The following SLC7A11 variants were observed in gnomAD, a reference collection of about 807,000 sequenced individuals.
SLC7A11 encodes solute carrier family 7 member 11, also known as cystine/glutamate transporter.
SLC7A11 carries 35 observed loss-of-function variants against 54.5 expected under a neutral mutation model. The ratio of observed to expected loss-of-function variants is 0.64; its 90% CI spans 0.49 to 0.85. SLC7A11 has a LOEUF of 0.85. Ranked by LOEUF, SLC7A11 falls within the 40% of genes least tolerant of loss-of-function variation. The pLI is 0.00. For synonymous variants in SLC7A11, 230 were observed against 225.2 expected, an observed-to-expected ratio of 1.02 and a Z score of -0.19; for missense variants, 583 against 618.1, an observed-to-expected ratio of 0.94 and a Z score of 0.60.
chr4:138,182,692 A>G (rs974398353), intron 8 of SLC7A11, among the ~76,000 whole-genome samples: 3 of 152,136 alleles, frequency 2.0e-5, no homozygotes, highest in Non-Finnish European at 4.4e-5. Context: ...CTAGATTCCT[A>G]GTATTATATG....
chr4:138,206,881 C>A (rs1737420241), intron 6 of SLC7A11, among the ~76,000 whole-genome samples: 1 of 151,200 alleles, frequency 6.6e-6, no homozygotes, highest in African/African-American at 2.4e-5. Context: ...TGACATCTGG[C>A]CAAATACCGA....
chr4:138,193,549 C>T (rs562197636), intron 6 of SLC7A11, among the ~76,000 whole-genome samples: 2 of 152,110 alleles, frequency 1.3e-5, no homozygotes, highest in African/African-American at 4.8e-5. Flanking sequence ...CACCTGTAAT[C>T]CTAGCACTTT....
chr4:138,185,076 TCATTAACCTAAATTCCAATTGG>T (rs777074998), intron 7 of SLC7A11, 23 bp downstream of exon 7: 147 of 1,607,934 alleles, frequency 9.1e-5, no homozygotes, highest in Non-Finnish European at 1.2e-4. Context: ...TTGCATCAGC[TCATTAACCTAAATTCCAATTGG>T]CATTTTCCCA....
Position 138,171,912 on chromosome 4 carries a change from G to A in SLC7A11, c.*44C>T, listed in dbSNP as rs946728308. On this transcript the variant is annotated 3_prime_UTR_variant, in exon 12 of 12. Coordinates refer to ENST00000280612, the MANE Select transcript of SLC7A11 (RefSeq NM_014331.4). The stretch of plus-strand genomic sequence containing the variant: ...AAAATGAAGTAAAAATCCCTATTTT[G>A]TGTCTCCCCTTGGGCAGATTGCCAA... The A allele has an allele frequency of 6.4e-7, 1 of 1,553,924 alleles. No homozygotes were observed. Among genetic ancestry groups the A allele is most frequent in the Non-Finnish European group, 8.6e-7 (1 of 1,160,592 alleles).
intron 6 of SLC7A11, among the ~76,000 whole-genome samples, chr4:138,194,735 T>G (rs1737090696): frequency 6.6e-6 from 1 of 152,174 alleles, no homozygotes; most frequent in Non-Finnish European, 1.5e-5. Context: ...CTGGGTCTAG[T>G]CATGTCCCCA....
Position 138,167,330 on chromosome 4 carries a change from T to G in SLC7A11, c.*4626A>C, listed in dbSNP as rs1375166275. ...CCACGCCCGGCTAATTTTTATATTT[T>G]TAGTTGAGACAGGGTTTCACCATGT... On this transcript the variant is annotated 3_prime_UTR_variant, in exon 12 of 12. Coordinates refer to ENST00000280612, the MANE Select transcript of SLC7A11 (RefSeq NM_014331.4). 5 of 151,690 alleles carry G rather than the reference T, an allele frequency of 3.3e-5. No individual in the cohort carries two copies. The highest frequency in any genetic ancestry group is 1.2e-4 in the African/African-American group (5 of 41,262). 9.4% of individuals were successfully genotyped at this position (151,690 alleles called of 1,614,324 possible).
chr4:138,237,724 TATATA>T (rs1560742558), intron 1 of SLC7A11, among the ~76,000 whole-genome samples: 3 of 10,390 alleles, frequency 2.9e-4, no homozygotes, highest in Non-Finnish European at 3.7e-4. Context: ...TATATATATA[TATATA>T]TATATATATT....
chr4:138,232,670 T>C (rs901360344), intron 2 of SLC7A11, among the ~76,000 whole-genome samples: 1 of 152,216 alleles, frequency 6.6e-6, no homozygotes, highest in Non-Finnish European at 1.5e-5. Flanking sequence ...ATCTGGTTTA[T>C]TACATGAGAT....
At chr4:138,209,771 A>G (rs1435456201) in intron 6 of SLC7A11, among the ~76,000 whole-genome samples, 4 of 152,102 alleles carry the variant, frequency 2.6e-5, no homozygotes, top group Admixed American at 2.6e-4. Context: ...AAAATATTTC[A>G]TGCTTATGGA....
At chr4:138,186,824 G>A (rs1229239441) in intron 6 of SLC7A11, among the ~76,000 whole-genome samples, 1 of 152,136 alleles carries the variant, frequency 6.6e-6, no homozygotes, top group Non-Finnish European at 1.5e-5. Context: ...TGTATACACA[G>A]CTTTTCAACC....
In SLC7A11 at chr4:138,208,757, G is replaced by A. The variant is rs116301491; in HGVS notation, c.791+5828C>T. 6.7e-3 allele frequency among the ~76,000 whole-genome samples: 1,009 copies of A among 151,088 alleles called. 11 individuals carry two copies. Among genetic ancestry groups the A allele is most frequent in the African/African-American group, 0.022 (926 of 41,204 alleles). ...CCTTACTCCAATATATTAATTTGTG[G>A]AGTCAGCCATAATGTTATAGATAAT... On this transcript the variant is annotated intron_variant, in intron 6 of 11. Coordinates refer to ENST00000280612, the MANE Select transcript of SLC7A11 (RefSeq NM_014331.4).
At chr4:138,225,614 A>G (rs544934961) in intron 3 of SLC7A11, among the ~76,000 whole-genome samples, 2 of 152,222 alleles carry the variant, frequency 1.3e-5, no homozygotes, top group African/African-American at 4.8e-5. Context: ...TCCCTGCTCC[A>G]TCATCCAGTG....
chr4:138,179,267 T>G lies in SLC7A11; in HGVS notation c.1394A>C (p.Tyr465Ser). The change falls in exon 11 of 12, where the codon TAT (tyrosine) becomes TCT (serine). Residue 465 changes from tyrosine (Y) to serine (S), a missense_variant. By Grantham distance (144) the Tyr-to-Ser change is moderately radical. Coordinates refer to ENST00000280612, the MANE Select transcript of SLC7A11 (RefSeq NM_014331.4). ...VITLTGVPAY[Y>S]LFIIWDKKPR... Reference sequence around the variant, plus strand: ...TTTCTTGTCCCATATAATAAAGAGATAATACGCAGGGACTCCAGTCAGAGT... The same window carrying G: ...TTTCTTGTCCCATATAATAAAGAGAGAATACGCAGGGACTCCAGTCAGAGT... The G allele has an allele frequency of 2.5e-6, 4 of 1,612,500 alleles. No homozygotes were observed. The highest frequency in any genetic ancestry group is 3.4e-6 in the Non-Finnish European group (4 of 1,178,888).
chr4:138,241,346 A>C (rs1406122674), intron 1 of SLC7A11, among the ~76,000 whole-genome samples: 1 of 152,234 alleles, frequency 6.6e-6, no homozygotes, highest in African/African-American at 2.4e-5. Flanking sequence ...TTTGGCTAAT[A>C]AAAAGTCAGT....
chr4:138,213,732 T>C (rs146332437), intron 6 of SLC7A11, among the ~76,000 whole-genome samples: 1 of 152,140 alleles, frequency 6.6e-6, no homozygotes, highest in Non-Finnish European at 1.5e-5. Flanking sequence ...TTACATCTAT[T>C]TGTTTACACA....
chr4:138,230,465 T>C (rs1467492194), intron 3 of SLC7A11, among the ~76,000 whole-genome samples: 2 of 149,482 alleles, frequency 1.3e-5, no homozygotes, highest in Non-Finnish European at 3.0e-5. Flanking sequence ...AAACAAAAAA[T>C]TTGGCTTAAC....
In SLC7A11 at chr4:138,179,338, A is replaced by G. The variant is rs1736661900; in HGVS notation, c.1323T>C (p.Leu441=). The G allele has an allele frequency of 6.2e-7, 1 of 1,612,646 alleles. No individual in the cohort carries two copies. The highest frequency in any genetic ancestry group is 1.3e-5 in the African/African-American group (1 of 74,840). The change falls in exon 11 of 12, where the codon CTT becomes CTC. Residue 441 remains leucine, a synonymous_variant. Coordinates refer to ENST00000280612, the MANE Select transcript of SLC7A11 (RefSeq NM_014331.4). ...TACTAAATGGGTCCGAATAGAGGGA[A>G]AGGGCAACCATGAAGAGGCATGTGA... ...FSFTCLFMVA[L]SLYSDPFSTG... is the part of the protein sequence containing the mutation.
Position 138,167,864 on chromosome 4 carries a change from T to G in SLC7A11, c.*4092A>C, listed in dbSNP as rs756579974. The G allele has an allele frequency of 6.6e-6, 1 of 152,166 alleles. No individual in the cohort carries two copies. The highest frequency in any genetic ancestry group is 1.5e-5 in the Non-Finnish European group (1 of 68,036). 9.4% of individuals were successfully genotyped at this position (152,166 alleles called of 1,614,324 possible). On this transcript the variant is annotated 3_prime_UTR_variant, in exon 12 of 12. Transcript: ENST00000280612. ...TTCAAATCCCACATCTCTCTATATT[T>G]CTTTCCCAACTAAGAGCTATAATTA...
rs553684288 is a variant in SLC7A11 at position 138,239,677 on chromosome 4, A to AT, written c.277+2115dup. On this transcript the variant is annotated intron_variant, in intron 1 of 11. Coordinates refer to ENST00000280612, the MANE Select transcript of SLC7A11 (RefSeq NM_014331.4). ...TCTCCTTAGCTGTTTCTCTCTTTTT[A>AT]TTTTTTTTTGAGCTTTTGCTTCAGA... Among the ~76,000 whole-genome samples, 246 of 150,842 alleles carry AT rather than the reference A, an allele frequency of 1.6e-3. 2 individuals are homozygous for AT. Among genetic ancestry groups the AT allele is most frequent in the African/African-American group, 5.2e-3 (216 of 41,184 alleles).
Sources: allele counts gnomAD v4.1 joint callset (sites outside exome capture counted in the v4.1 genomes callset), GRCh38; gene constraint gnomAD v4.1.1; transcripts MANE v1.5; gene names NCBI Gene and HGNC (gene_info 2026-07-23, HGNC 2026-07-21).